SLC25A21: variants seen among roughly 807,000 people sequenced by gnomAD.
SLC25A21 encodes mitochondrial 2-oxodicarboxylate carrier.
Under a neutral mutation model 43.8 loss-of-function variants are expected in SLC25A21, and 47 were observed. The observed-to-expected ratio is 1.07, with a 90% CI of 0.85 to 1.37. The LOEUF (loss-of-function observed/expected upper bound fraction) is 1.37. Ranked by LOEUF, SLC25A21 falls within the 40% of genes most tolerant of loss-of-function variation. The pLI is 0.00. For synonymous variants in SLC25A21, 131 were observed against 121.3 expected, an observed-to-expected ratio of 1.08 and a Z score of -0.52; for missense variants, 352 against 350.2, an observed-to-expected ratio of 1.00 and a Z score of -0.04.
chr14:36,927,593 C>G (rs1485451789), intron 1 of SLC25A21, among the ~76,000 whole-genome samples: 8 of 152,076 alleles, frequency 5.3e-5, no homozygotes, highest in African/African-American at 1.9e-4. Flanking sequence ...AAAATGGTGA[C>G]CATGTCTCCA....
intron 2 of SLC25A21, among the ~76,000 whole-genome samples, chr14:36,855,799 T>C (rs1017874395): frequency 2.0e-5 from 3 of 152,190 alleles, no homozygotes; most frequent in African/African-American, 4.8e-5. Context: ...TTTATGACAT[T>C]TGTCACATAT....
chr14:36,982,914 A>C (rs1479496522), intron 1 of SLC25A21, among the ~76,000 whole-genome samples: 2 of 152,172 alleles, frequency 1.3e-5, no homozygotes, highest in Non-Finnish European at 2.9e-5. Flanking sequence ...AGAGGAACAC[A>C]CTTGTTTGTC....
intron 1 of SLC25A21, among the ~76,000 whole-genome samples, chr14:36,893,702 T>C (rs1191814098): frequency 1.3e-5 from 2 of 152,166 alleles, no homozygotes; most frequent in Non-Finnish European, 2.9e-5. Flanking sequence ...CTTTAATCCA[T>C]CTTGAATTAA....
intron 1 of SLC25A21, among the ~76,000 whole-genome samples, chr14:37,034,334 TAGAG>T (rs1466961741): frequency 6.6e-6 from 1 of 152,110 alleles, no homozygotes; most frequent in African/African-American, 2.4e-5. Context: ...TATAATTTAT[TAGAG>T]AGAATAAACC....
chr14:36,788,887 A>G (rs1887346062), intron 3 of SLC25A21: 1 of 152,116 alleles, frequency 6.6e-6, no homozygotes, highest in Non-Finnish European at 1.5e-5. Context: ...CAGTTTTCCA[A>G]CTGTCAGGGT....
intron 1 of SLC25A21, among the ~76,000 whole-genome samples, chr14:37,059,656 G>A (rs554705697): frequency 1.1e-4 from 17 of 152,280 alleles, no homozygotes; most frequent in African/African-American, 4.1e-4. Flanking sequence ...TTACTGCCAA[G>A]AGAAAAATGC....
intron 1 of SLC25A21, among the ~76,000 whole-genome samples, chr14:37,092,900 T>C (rs1298267576): frequency 6.6e-6 from 1 of 150,806 alleles, no homozygotes; most frequent in African/African-American, 2.4e-5. Flanking sequence ...TCCTGCCTGC[T>C]CCATGACATT....
Position 36,732,972 on chromosome 14 carries a change from C to A in SLC25A21, c.270+1535G>T, listed in dbSNP as rs1391893338. ...AGTTGCCCAAAAGTTCATCTGTTAA[C>A]CATTGTTCTGGCACAGAACATTGCT... is the stretch of plus-strand genomic sequence containing the variant. On this transcript the variant is annotated intron_variant, in intron 4 of 9. Coordinates refer to ENST00000331299, the MANE Select transcript of SLC25A21 (RefSeq NM_030631.4). Among the ~76,000 whole-genome samples, 4 of 152,266 alleles carry A rather than the reference C, an allele frequency of 2.6e-5. 1 individual carries two copies. The South Asian group carries it at 8.3e-4, about 32-fold the overall frequency.
At chr14:36,857,977 G>A (rs1176161728) in intron 2 of SLC25A21, among the ~76,000 whole-genome samples, 1 of 152,196 alleles carries the variant, frequency 6.6e-6, no homozygotes, top group African/African-American at 2.4e-5. Flanking sequence ...GTTAAAATGT[G>A]AATGTGAGTT....
chr14:37,128,743 C>T (rs183370077), intron 1 of SLC25A21, among the ~76,000 whole-genome samples: 24 of 152,106 alleles, frequency 1.6e-4, no homozygotes, highest in African/African-American at 4.6e-4. Context: ...CGCACCATTA[C>T]GCTCAGCTAA....
chr14:37,172,136 T>C, intron 1 of SLC25A21, 145 bp downstream of exon 1: 2 of 842,554 alleles, frequency 2.4e-6, no homozygotes, highest in Non-Finnish European at 3.6e-6. Context: ...CTCGCGCCTC[T>C]AGGGGCTCAA....
At chr14:36,997,819 C>CAAA (rs201032859) in intron 1 of SLC25A21, among the ~76,000 whole-genome samples, 81 of 119,688 alleles carry the variant, frequency 6.8e-4, no homozygotes, top group African/African-American at 2.4e-3. Flanking sequence ...GACTCTGTCT[C>CAAA]AAAAAAAAAA....
chr14:37,035,390 G>A (rs1345095528), intron 1 of SLC25A21, among the ~76,000 whole-genome samples: 7 of 152,094 alleles, frequency 4.6e-5, no homozygotes, highest in African/African-American at 9.7e-5. Flanking sequence ...TTTTCTTCAC[G>A]AGAGTAGCTA....
chr14:36,875,147 G>GTTT, intron 1 of SLC25A21, 143 bp from the exon 2 acceptor site: 1 of 515,776 alleles, frequency 1.9e-6, no homozygotes, highest in Admixed American at 3.8e-5. Flanking sequence ...ATAGGCTAGT[G>GTTT]GCAAAAGACA....
chr14:36,919,538 C>A (rs1891919225), intron 1 of SLC25A21, among the ~76,000 whole-genome samples: 2 of 151,896 alleles, frequency 1.3e-5, no homozygotes, highest in South Asian at 4.1e-4. Context: ...TAATTTTCTT[C>A]TTGATATTCT....
chr14:37,029,443 A>G (rs1406502367), intron 1 of SLC25A21, among the ~76,000 whole-genome samples: 1 of 152,162 alleles, frequency 6.6e-6, no homozygotes, highest in Non-Finnish European at 1.5e-5. Context: ...AAATGTAATT[A>G]ACTCAATTTT....
Position 36,817,795 on chromosome 14 carries a change from T to C in SLC25A21, c.120-3794A>G, listed in dbSNP as rs376115782. Among the ~76,000 whole-genome samples the C allele has an allele frequency of 1.3e-3, 201 of 152,290 alleles. 3 individuals carry two copies. In the South Asian group the frequency reaches 0.041, roughly 31 times the overall value. ...CTTCTGTGGTCAGAGACCTCAGCTT[T>C]GCCTATGATGTCTGCATGCTCAGGT... On this transcript the variant is annotated intron_variant, in intron 2 of 9. Transcript: ENST00000331299.
intron 1 of SLC25A21, among the ~76,000 whole-genome samples, chr14:37,151,860 C>G (rs1179829827): frequency 6.6e-6 from 1 of 152,062 alleles, no homozygotes; most frequent in East Asian, 1.9e-4. Context: ...CATAGTGAAA[C>G]CCTGTCTCTA....
chr14:36,812,054 A>G (rs767929657), intron 3 of SLC25A21, among the ~76,000 whole-genome samples: 11 of 152,194 alleles, frequency 7.2e-5, no homozygotes, highest in Non-Finnish European at 1.6e-4. Flanking sequence ...TATCTATAAT[A>G]CATAATAAGT....
Sources: allele counts gnomAD v4.1 joint callset (sites outside exome capture counted in the v4.1 genomes callset), GRCh38; gene constraint gnomAD v4.1.1; transcripts MANE v1.5; gene names NCBI Gene and HGNC (gene_info 2026-07-23, HGNC 2026-07-21).